Variants in PRKG1 observed in about 807,000 individuals in gnomAD.
PRKG1 encodes the protein protein kinase cGMP-dependent 1.
A neutral mutation model predicts 88.1 loss-of-function variants in PRKG1; 35 were observed. The observed-to-expected ratio is 0.40, with a 90% CI of 0.30 to 0.53. PRKG1 has a LOEUF of 0.53. Ranked by LOEUF, PRKG1 falls within the 20% of genes least tolerant of loss-of-function variation. The pLI, the probability that PRKG1 is intolerant of heterozygous loss-of-function variation, is 0.59. For missense variants in PRKG1, 540 were observed against 839.8 expected, an observed-to-expected ratio of 0.64 and a Z score of 4.41; for synonymous variants, 303 against 292.5, an observed-to-expected ratio of 1.04 and a Z score of -0.37.
intron 3 of PRKG1, among the ~76,000 whole-genome samples, chr10:51,792,315 A>G (rs1205092548): frequency 2.0e-5 from 3 of 151,968 alleles, no homozygotes; most frequent in Admixed American, 1.3e-4. Context: ...TTTCTTAGAG[A>G]AAAAAAATTC....
At chr10:51,062,327 C>T (rs1187606290) in intron 1 of PRKG1, among the ~76,000 whole-genome samples, 3 of 152,130 alleles carry the variant, frequency 2.0e-5, no homozygotes, top group Non-Finnish European at 4.4e-5. Context: ...CTAATTTATG[C>T]TTACTTACTT....
chr10:52,026,930 G>A (rs754955945), intron 5 of PRKG1, among the ~76,000 whole-genome samples: 2 of 152,060 alleles, frequency 1.3e-5, no homozygotes, highest in African/African-American at 4.8e-5. Context: ...AGCCGAGATC[G>A]CTCGCCACTG....
intron 2 of PRKG1, among the ~76,000 whole-genome samples, chr10:51,159,387 G>A (rs543810119): frequency 6.6e-5 from 10 of 152,056 alleles, no homozygotes; most frequent in South Asian, 2.1e-4. Context: ...TGAGTTTTTC[G>A]TGTTAATCCA....
chr10:51,371,415 T>C (rs949687676), intron 2 of PRKG1, among the ~76,000 whole-genome samples: 9 of 151,682 alleles, frequency 5.9e-5, no homozygotes, highest in Admixed American at 5.3e-4. Flanking sequence ...ATAATTACTC[T>C]GTGTGTGTGT....
intron 3 of PRKG1, among the ~76,000 whole-genome samples, chr10:51,541,951 G>T (rs1205951732): frequency 1.3e-5 from 2 of 152,076 alleles, no homozygotes; most frequent in Non-Finnish European, 2.9e-5. Context: ...TCATGGTAAA[G>T]ATATCTTGCC....
At chr10:51,265,982 G>A (rs1310395932) in intron 2 of PRKG1, among the ~76,000 whole-genome samples, 1 of 152,178 alleles carries the variant, frequency 6.6e-6, no homozygotes, top group Non-Finnish European at 1.5e-5. Flanking sequence ...TAGAAGACTT[G>A]TTAAAAATAC....
chr10:51,989,775 A>G (rs1844255061), intron 5 of PRKG1, among the ~76,000 whole-genome samples: 1 of 152,092 alleles, frequency 6.6e-6, no homozygotes, highest in Non-Finnish European at 1.5e-5. Flanking sequence ...ATCTTTAAGG[A>G]GTAACTTTTT....
rs117468611 is a variant in PRKG1 at position 52,050,083 on chromosome 10, G to A, written c.763-4401G>A. 3.5e-3 allele frequency among the ~76,000 whole-genome samples: 540 copies of A among 152,138 alleles called. 17 individuals are homozygous for A. The highest frequency in any genetic ancestry group is 0.029 in the Admixed American group (440 of 15,254). ...CATGTGTGTGTGGTGGTGGTGGTAA[G>A]GGTGGGTATGCCAGGTGAGAGAAGG... On this transcript the variant is annotated intron_variant, in intron 5 of 17. Coordinates refer to ENST00000373980, the MANE Select transcript of PRKG1 (RefSeq NM_006258.4).
intron 2 of PRKG1, among the ~76,000 whole-genome samples, chr10:51,430,119 TAAA>T (rs36116134): frequency 9.6e-4 from 136 of 141,670 alleles, no homozygotes; most frequent in Non-Finnish European, 1.2e-3. Context: ...TGGCTACAAT[TAAA>T]AAAAAAAAAA....
At chr10:51,914,301 A>T (rs1013582142) in intron 5 of PRKG1, among the ~76,000 whole-genome samples, 3 of 148,048 alleles carry the variant, frequency 2.0e-5, no homozygotes, top group Non-Finnish European at 4.5e-5. Context: ...ACTTTTTTTC[A>T]TAGAGAAAAG....
chr10:51,796,631 G>C (rs1014889932), intron 3 of PRKG1, among the ~76,000 whole-genome samples: 1 of 152,078 alleles, frequency 6.6e-6, no homozygotes, highest in African/African-American at 2.4e-5. Context: ...GGTTAATTTT[G>C]TGTCAGTTTG....
chr10:51,918,611 A>G (rs1842396465), intron 5 of PRKG1, among the ~76,000 whole-genome samples: 1 of 152,178 alleles, frequency 6.6e-6, no homozygotes, highest in Non-Finnish European at 1.5e-5. Flanking sequence ...AGAATACACA[A>G]ACCTGCTTGG....
At chr10:51,888,129 T>A (rs563077014) in intron 4 of PRKG1, among the ~76,000 whole-genome samples, 2 of 152,162 alleles carry the variant, frequency 1.3e-5, no homozygotes, top group Admixed American at 1.3e-4. Context: ...GATGGTATTA[T>A]GGGTATAGGC....
chr10:51,817,267 T>A (rs2132719615), intron 4 of PRKG1, among the ~76,000 whole-genome samples: 2 of 152,232 alleles, frequency 1.3e-5, no homozygotes, highest in Admixed American at 1.3e-4. Flanking sequence ...GACAATGGTA[T>A]ACATGTGCAA....
chr10:51,582,712 C>A (rs1186738742), intron 3 of PRKG1, among the ~76,000 whole-genome samples: 5 of 152,060 alleles, frequency 3.3e-5, no homozygotes, highest in African/African-American at 1.2e-4. Flanking sequence ...CATTGATGGG[C>A]ATTTGGGTTG....
intron 2 of PRKG1, among the ~76,000 whole-genome samples, chr10:51,301,416 A>T (rs1435804557): frequency 1.3e-5 from 2 of 151,672 alleles, no homozygotes; most frequent in African/African-American, 4.9e-5. Context: ...GTTTAATATA[A>T]CTCCCCTAAT....
At chr10:51,117,033 TA>T (rs1320506249) in intron 1 of PRKG1, among the ~76,000 whole-genome samples, 3 of 152,182 alleles carry the variant, frequency 2.0e-5, no homozygotes, top group Non-Finnish European at 4.4e-5. Flanking sequence ...GTGACATTTT[TA>T]GTTAACCTGT....
chr10:51,647,416 T>C (rs954888545), intron 3 of PRKG1, among the ~76,000 whole-genome samples: 3 of 152,226 alleles, frequency 2.0e-5, no homozygotes, highest in African/African-American at 7.2e-5. Flanking sequence ...TCCAGTATAC[T>C]GTTCATTGTT....
intron 3 of PRKG1, among the ~76,000 whole-genome samples, chr10:51,693,628 C>G (rs1045126129): frequency 6.6e-5 from 10 of 152,078 alleles, no homozygotes; most frequent in African/African-American, 2.4e-4. Flanking sequence ...TCTCAAACTC[C>G]TGACCTCAAG....
Sources: allele counts gnomAD v4.1 joint callset (sites outside exome capture counted in the v4.1 genomes callset), GRCh38; gene constraint gnomAD v4.1.1; transcripts MANE v1.5; gene names NCBI Gene and HGNC (gene_info 2026-07-23, HGNC 2026-07-21).